The following ATP2B2 variants were observed in gnomAD, a reference collection of about 807,000 sequenced individuals.
ATP2B2 encodes the protein plasma membrane calcium-transporting ATPase 2.
Under a neutral mutation model 120.0 loss-of-function variants are expected in ATP2B2, and 15 were observed. The observed-to-expected ratio is 0.12, with a 90% confidence interval of 0.08 to 0.19. ATP2B2 has a LOEUF of 0.19. Ranked by LOEUF, ATP2B2 falls within the 10% of genes least tolerant of loss-of-function variation. ATP2B2 has a pLI of 1.00. For missense variants in ATP2B2, 1,045 were observed against 1,719.8 expected (o/e 0.61, Z 6.94); for synonymous variants, 694 against 700.3 (o/e 0.99, Z 0.14).
At chr3:10,621,799 T>C (rs1350728129) in intron 1 of ATP2B2, among the ~76,000 whole-genome samples, 2 of 152,226 alleles carry the variant, frequency 1.3e-5, no homozygotes, top group Non-Finnish European at 2.9e-5. Flanking sequence ...GATGAGGAAG[T>C]TGAGTCCCAG....
intron 1 of ATP2B2, among the ~76,000 whole-genome samples, chr3:10,476,986 A>G (rs183465757): frequency 1.3e-5 from 2 of 152,222 alleles, no homozygotes; most frequent in African/African-American, 2.4e-5. Flanking sequence ...GAAGCCACTC[A>G]AAGTCACTTA....
intron 2 of ATP2B2, among the ~76,000 whole-genome samples, chr3:10,536,514 T>C (rs545907576): frequency 1.7e-3 from 251 of 151,748 alleles, no homozygotes; most frequent in African/African-American, 5.8e-3. Context: ...TTCCTCCTCC[T>C]CCTCCTTTCT....
intron 2 of ATP2B2, among the ~76,000 whole-genome samples, chr3:10,579,735 G>A (rs1393324546): frequency 6.6e-6 from 1 of 152,118 alleles, no homozygotes; most frequent in African/African-American, 2.4e-5. Flanking sequence ...ACTTGAACCT[G>A]GCAGGCAGAG....
intron 1 of ATP2B2, among the ~76,000 whole-genome samples, chr3:10,646,814 C>T (rs2070333317): frequency 6.6e-6 from 1 of 152,180 alleles, no homozygotes; most frequent in Non-Finnish European, 1.5e-5. Flanking sequence ...AGGCGCTCCA[C>T]TAAGAGATTC....
intron 1 of ATP2B2, among the ~76,000 whole-genome samples, chr3:10,678,362 C>T (rs1029360919): frequency 3.3e-5 from 5 of 152,172 alleles, no homozygotes; most frequent in Non-Finnish European, 5.9e-5. Context: ...CCTTTCTTGG[C>T]GTGAGAGATG....
chr3:10,689,982 G>A (rs555009022), intron 1 of ATP2B2, among the ~76,000 whole-genome samples: 22 of 152,282 alleles, frequency 1.4e-4, no homozygotes, highest in African/African-American at 5.3e-4. Context: ...AGAACCAAAG[G>A]GAGGGTGCCA....
At chr3:10,384,002 C>A (rs2061602920) in intron 8 of ATP2B2, among the ~76,000 whole-genome samples, 1 of 152,152 alleles carries the variant, frequency 6.6e-6, no homozygotes, top group Non-Finnish European at 1.5e-5. Flanking sequence ...CCCTCAGCCA[C>A]CCCTCCCTGA....
intron 12 of ATP2B2, among the ~76,000 whole-genome samples, chr3:10,369,054 T>C (rs1241162029): frequency 1.3e-5 from 2 of 152,146 alleles, no homozygotes; most frequent in African/African-American, 4.8e-5. Context: ...GAGGGGGAAA[T>C]ACAGCATATG....
intron 1 of ATP2B2, among the ~76,000 whole-genome samples, chr3:10,499,597 A>G (rs1368446256): frequency 6.6e-6 from 1 of 152,186 alleles, no homozygotes; most frequent in Non-Finnish European, 1.5e-5. Flanking sequence ...GAAGAGCACA[A>G]TGACGTTCAC....
intron 22 of ATP2B2, among the ~76,000 whole-genome samples, chr3:10,337,612 C>G (rs1574941938): frequency 6.6e-6 from 1 of 152,150 alleles, no homozygotes; most frequent in East Asian, 1.9e-4. Context: ...TGCACCTGTG[C>G]TCCCCTGGTG....
chr3:10,605,653 GT>G (rs5846675), intron 2 of ATP2B2, among the ~76,000 whole-genome samples: 7 of 147,084 alleles, frequency 4.8e-5, no homozygotes, highest in African/African-American at 5.0e-5. Flanking sequence ...TATCTTTACA[GT>G]TTTTTTTTTT....
intron 2 of ATP2B2, among the ~76,000 whole-genome samples, chr3:10,434,056 G>T (rs528030136): frequency 2.0e-5 from 3 of 152,220 alleles, no homozygotes; most frequent in African/African-American, 7.2e-5. Flanking sequence ...CAGCTTATTT[G>T]AATTAGTAAA....
At position 10,588,009 on chromosome 3, in the gene ATP2B2, C is replaced by A. The variant is rs17033139; in HGVS notation, c.-415+31908G>T. On this transcript the variant is annotated intron_variant, in intron 2 of 21. Coordinates refer to the ATP2B2 transcript ENST00000646379. ...GAAAATAAGAACCTTCAGCAATTTC[C>A]CCGTGCCACTAGTACACTGAGGAGT... Among the ~76,000 whole-genome samples, 722 of 152,268 alleles carry A rather than the reference C, an allele frequency of 4.7e-3. 5 individuals carry two copies. Among genetic ancestry groups the A allele is most frequent in the African/African-American group, 0.016 (662 of 41,560 alleles).
chr3:10,582,088 G>A (rs1009434084), intron 2 of ATP2B2, among the ~76,000 whole-genome samples: 1 of 152,170 alleles, frequency 6.6e-6, no homozygotes, highest in African/African-American at 2.4e-5. Context: ...TTTTTAACGA[G>A]ACATACTTTG....
intron 2 of ATP2B2, among the ~76,000 whole-genome samples, chr3:10,607,436 G>A (rs975383623): frequency 1.3e-5 from 2 of 152,180 alleles, no homozygotes; most frequent in Admixed American, 6.5e-5. Context: ...GCCAGGCAGA[G>A]TCCCTGGACT....
chr3:10,383,857 T>G (rs1282861853), intron 8 of ATP2B2, among the ~76,000 whole-genome samples: 2 of 152,206 alleles, frequency 1.3e-5, no homozygotes, highest in Non-Finnish European at 2.9e-5. Context: ...TGCCCTTTTT[T>G]CTGAGACTGG....
At chr3:10,543,740 ATT>A (rs144604142) in intron 2 of ATP2B2, among the ~76,000 whole-genome samples, 10 of 141,462 alleles carry the variant, frequency 7.1e-5, no homozygotes, top group Non-Finnish European at 1.1e-4. Flanking sequence ...GTTCTTCATA[ATT>A]TTTTTTTTTT....
At chr3:10,561,385 C>A (rs1302743084) in intron 2 of ATP2B2, among the ~76,000 whole-genome samples, 3 of 152,170 alleles carry the variant, frequency 2.0e-5, no homozygotes, top group East Asian at 3.8e-4. Flanking sequence ...TACTGGTTAA[C>A]CCCCCAGCGG....
intron 2 of ATP2B2, among the ~76,000 whole-genome samples, chr3:10,538,460 C>T (rs111359712): frequency 0.024 from 3,620 of 152,228 alleles, 55 homozygotes; most frequent in Middle Eastern, 0.085. Flanking sequence ...TGATGAACAT[C>T]GATGCAAAAA....
Sources: allele counts gnomAD v4.1 joint callset (sites outside exome capture counted in the v4.1 genomes callset), GRCh38; gene constraint gnomAD v4.1.1; transcripts MANE v1.5; gene names NCBI Gene and HGNC (gene_info 2026-07-23, HGNC 2026-07-21).